PIK3C2A: variants seen among roughly 807,000 people sequenced by gnomAD.
The protein encoded by PIK3C2A is phosphatidylinositol 4-phosphate 3-kinase C2 domain-containing subunit alpha.
A neutral mutation model predicts 204.5 loss-of-function variants in PIK3C2A; 97 were observed. The ratio of observed to expected loss-of-function variants is 0.47; its 90% CI spans 0.40 to 0.56. PIK3C2A has a LOEUF of 0.56. Among genes scored for constraint, PIK3C2A ranks in the 20% least tolerant of loss-of-function variants. The pLI is 0.00. For missense variants in PIK3C2A, 1,735 were observed against 1,969.2 expected (o/e 0.88, Z 2.25); for synonymous variants, 653 against 664.4 (o/e 0.98, Z 0.26).
At chr11:17,131,620 A>G (rs1849697420) in intron 12 of PIK3C2A, among the ~76,000 whole-genome samples, 1 of 151,956 alleles carries the variant, frequency 6.6e-6, no homozygotes. Context: ...ACGGGGTTTC[A>G]CCGTGTTAAC....
intron 2 of PIK3C2A, among the ~76,000 whole-genome samples, chr11:17,158,612 T>A (rs1850678998): frequency 1.3e-5 from 2 of 151,816 alleles, no homozygotes; most frequent in Non-Finnish European, 2.9e-5. Flanking sequence ...CAAAAGAATA[T>A]CCTTAAAAAT....
chr11:17,169,616 C>T lies in PIK3C2A; in HGVS notation c.126G>A (p.Leu42=). Residue 42 remains leucine (L), a synonymous_variant, in exon 2 of 33, where the codon CTG becomes CTA. Coordinates refer to ENST00000691414, the MANE Select transcript of PIK3C2A (RefSeq NM_002645.4). Reference sequence around the variant, plus strand: ...TGTCAGTCACTTGTCTATCCTTTTGCAGTTTTGCTAAAGCCTCTGCTTCCA... The same window carrying T: ...TGTCAGTCACTTGTCTATCCTTTTGTAGTTTTGCTAAAGCCTCTGCTTCCA... ...LQMEAEALAK[L]QKDRQVTDNQ... The T allele has an allele frequency of 6.2e-7, 1 of 1,614,024 alleles. No homozygotes were observed. Among genetic ancestry groups the T allele is most frequent in the South Asian group, 1.1e-5 (1 of 91,074 alleles).
At chr11:17,138,085 A>AG in intron 8 of PIK3C2A, 1 of 699,674 alleles carries the variant, frequency 1.4e-6, no homozygotes, top group Non-Finnish European at 2.6e-6. Flanking sequence ...TTTAGCACAC[A>AG]TGGAATCACC....
At chr11:17,181,603 A>AATAT (rs148434889) in intron 1 of PIK3C2A, among the ~76,000 whole-genome samples, 2 of 101,600 alleles carry the variant, frequency 2.0e-5, no homozygotes, top group African/African-American at 9.5e-5. Context: ...CCCATTTTTA[A>AATAT]ATATATATAT....
intron 11 of PIK3C2A, among the ~76,000 whole-genome samples, chr11:17,132,780 C>T (rs536633060): frequency 6.6e-6 from 1 of 152,296 alleles, no homozygotes; most frequent in African/African-American, 2.4e-5. Flanking sequence ...GAAATAGAGT[C>T]AGCTAAGCAT....
intron 18 of PIK3C2A, 89 bp downstream of exon 18, chr11:17,118,556 G>C: frequency 1.5e-6 from 1 of 658,558 alleles, no homozygotes; most frequent in Admixed American, 2.6e-5. Flanking sequence ...ACAATAAGTA[G>C]TGTGGCATAC....
At chr11:17,134,418 A>G (rs1849804395) in intron 11 of PIK3C2A, among the ~76,000 whole-genome samples, 1 of 151,464 alleles carries the variant, frequency 6.6e-6, no homozygotes, top group South Asian at 2.1e-4. Context: ...CTGGAGTGCA[A>G]TGGTGCAATC....
chr11:17,116,397 G>C (rs1849192559), intron 19 of PIK3C2A, among the ~76,000 whole-genome samples: 1 of 152,084 alleles, frequency 6.6e-6, no homozygotes, highest in South Asian at 2.1e-4. Flanking sequence ...AAAAAACAAT[G>C]TTGGTGAGGA....
At chr11:17,177,440 G>C (rs1851373119) in intron 1 of PIK3C2A, among the ~76,000 whole-genome samples, 1 of 151,970 alleles carries the variant, frequency 6.6e-6, no homozygotes, top group Admixed American at 6.6e-5. Flanking sequence ...CTCAAATTCT[G>C]AAACAGAAAA....
Position 17,147,556 on chromosome 11 carries a change from G to A in PIK3C2A, c.1521C>T (p.Leu507=), listed in dbSNP as rs550955986. ...RKWDTEIRLQ[L]LTFSAMCQNL... ...TTTGACACATTGCACTGAAGGTCAA[G>A]AGTTGTAGTCTAATTTCTGTGTCCC... The change falls in exon 6 of 33, where the codon CTC becomes CTT. Residue 507 remains leucine, a synonymous_variant. Transcript: ENST00000691414. The A allele has an allele frequency of 3.1e-6, 5 of 1,612,168 alleles. No individual in the cohort carries two copies. Among genetic ancestry groups the A allele is most frequent in the Admixed American group, 3.3e-5 (2 of 60,014 alleles).
intron 25 of PIK3C2A, among the ~76,000 whole-genome samples, chr11:17,100,258 G>GC (rs1363077616): frequency 8.7e-6 from 1 of 115,270 alleles, no homozygotes; most frequent in African/African-American, 3.2e-5. Flanking sequence ...GCGGGGGGGG[G>GC]GGGCAGGGAG....
intron 26 of PIK3C2A, 143 bp downstream of exon 26, chr11:17,099,717 C>T (rs947615670): frequency 2.1e-6 from 1 of 469,688 alleles, no homozygotes. Context: ...CAACTTTTGA[C>T]AGCCTACTAT....
Position 17,136,492 on chromosome 11 carries a change from T to A in PIK3C2A, c.1838A>T (p.Lys613Ile), listed in dbSNP as rs200378520. ...LKRAVNLPRSKTADVTSLFGG... is the reference protein window; with the variant it reads ...LKRAVNLPRSITADVTSLFGG... ...ACCAAAAATACTCACATCAGCAGTT[T>A]TACTCCTTGGAAGATTAACTGCTCT... The change falls in exon 9 of 33, where the codon AAA becomes ATA. Residue 613 changes from lysine to isoleucine, a missense_variant. Around this residue, in one of 6 missense-constraint regions of PIK3C2A, gnomAD observed 10 missense variants for 28.1 expected, o/e 0.36. Coordinates refer to ENST00000691414, the MANE Select transcript of PIK3C2A (RefSeq NM_002645.4). 1 of 1,608,786 alleles carries A rather than the reference T, an allele frequency of 6.2e-7. No homozygotes were observed. The highest frequency in any genetic ancestry group is 2.2e-5 in the East Asian group (1 of 44,820).
chr11:17,196,210 T>C (rs1028916941), intron 1 of PIK3C2A, among the ~76,000 whole-genome samples: 1 of 152,178 alleles, frequency 6.6e-6, no homozygotes, highest in Non-Finnish European at 1.5e-5. Context: ...ATAAAAACTT[T>C]TTTAATTATT....
At chr11:17,184,872 C>T (rs960250993) in intron 1 of PIK3C2A, among the ~76,000 whole-genome samples, 1 of 152,094 alleles carries the variant, frequency 6.6e-6, no homozygotes, top group Non-Finnish European at 1.5e-5. Context: ...GAGCCTAGGA[C>T]TTCCAGGCCA....
chr11:17,147,496 A>T, intron 6 of PIK3C2A, 21 bp downstream of exon 6: 1 of 1,223,564 alleles, frequency 8.2e-7, no homozygotes, highest in Non-Finnish European at 1.2e-6. Flanking sequence ...AATGGAATTC[A>T]GTTATGAGGT....
chr11:17,182,652 C>T (rs1255457845), intron 1 of PIK3C2A, among the ~76,000 whole-genome samples: 7 of 151,840 alleles, frequency 4.6e-5, no homozygotes, highest in Non-Finnish European at 1.0e-4. Context: ...CTATACTGTC[C>T]CCCTTTCATT....
In PIK3C2A at chr11:17,114,345, G is replaced by A. The variant is rs1333669848; in HGVS notation, c.3321+16C>T. 4.2e-6 allele frequency: 5 copies of A among 1,188,006 alleles called. No individual in the cohort carries two copies. Among genetic ancestry groups the A allele is most frequent in the Non-Finnish European group, 6.3e-6 (5 of 792,384 alleles). 73.6% of individuals were successfully genotyped at this position (1,188,006 alleles called of 1,614,324 possible). On this transcript the variant is annotated intron_variant, in intron 20 of 32. Coordinates refer to ENST00000691414, the MANE Select transcript of PIK3C2A (RefSeq NM_002645.4). ...TTTCAAATGTAATATGAACTTATAA[G>A]TATTTTATGTGTCACCTTAATATTT...
intron 3 of PIK3C2A, among the ~76,000 whole-genome samples, chr11:17,154,743 G>A (rs1036836227): frequency 6.6e-6 from 1 of 152,186 alleles, no homozygotes; most frequent in African/African-American, 2.4e-5. Context: ...AAAGGAAATG[G>A]AGTGGACAAG....
Sources: gnomAD v4.1 joint callset for allele counts (sites outside exome capture counted in the v4.1 genomes callset) on GRCh38, gnomAD v4.1.1 for gene constraint, gnomAD v4.1.1 regional missense constraint, MANE v1.5 for transcripts, NCBI Gene and HGNC (gene_info 2026-07-23, HGNC 2026-07-21) for gene names.